The following ZFHX3 variants were observed in gnomAD, a reference collection of about 807,000 sequenced individuals.
The protein encoded by ZFHX3 is zinc finger homeobox 3, also known as zinc finger homeobox protein 3.
A neutral mutation model predicts 279.1 loss-of-function variants in ZFHX3; 42 were observed. The ratio of observed to expected loss-of-function variants is 0.15; its 90% confidence interval spans 0.12 to 0.19. The LOEUF (loss-of-function observed/expected upper bound fraction) is 0.19, where lower values mean the gene tolerates loss of function less well. Ranked by LOEUF, ZFHX3 falls within the 10% of genes least tolerant of loss-of-function variation. The pLI is 1.00. For missense variants in ZFHX3, 4,981 were observed against 4,754.0 expected, an observed-to-expected ratio of 1.05 and a Z score of -1.40; for synonymous variants, 2,293 against 1,957.8, an observed-to-expected ratio of 1.17 and a Z score of -4.52.
chr16:72,810,963 C>T (rs560142255), intron 7 of ZFHX3, among the ~76,000 whole-genome samples: 7 of 152,284 alleles, frequency 4.6e-5, no homozygotes, highest in African/African-American at 1.7e-4. Context: ...TCACTGCAAC[C>T]TCAAACTCCT....
intron 3 of ZFHX3, among the ~76,000 whole-genome samples, chr16:72,937,060 C>A (rs1350316855): frequency 6.6e-6 from 1 of 152,138 alleles, no homozygotes; most frequent in Non-Finnish European, 1.5e-5. Context: ...GTGGCCCTAA[C>A]CGAGATGGGG....
chr16:72,861,595 C>T (rs561072803), intron 4 of ZFHX3, among the ~76,000 whole-genome samples: 1 of 152,188 alleles, frequency 6.6e-6, no homozygotes, highest in Admixed American at 6.5e-5. Context: ...AAACCAGAGT[C>T]CAGGAATGGA....
intron 1 of ZFHX3, among the ~76,000 whole-genome samples, chr16:72,978,292 C>T (rs1962441745): frequency 6.6e-6 from 1 of 152,154 alleles, no homozygotes; most frequent in African/African-American, 2.4e-5. Context: ...TTTTTATTTC[C>T]TATTACCCTC....
At chr16:73,131,079 G>T (rs1215462073) in exon 7 of ZFHX3, 2 of 913,188 alleles carry the variant, frequency 2.2e-6, no homozygotes, top group Non-Finnish European at 3.2e-6. Flanking sequence ...ACTTCTTTGT[G>T]TCTCAGCTTC....
rs3051948 is a variant in ZFHX3, at chr16:73,537,314, C to CT, written c.-1546-81057dup. ...AATCTAAAGTCACTTCTTTCTTCTT[C>CT]TTTTTTTTTTTTTTTTTTTTTTTTT... On this transcript the variant is annotated intron_variant, in intron 2 of 17. Coordinates refer to the ZFHX3 transcript ENST00000641206. 3.4e-3 allele frequency among the ~76,000 whole-genome samples: 263 copies of CT among 77,612 alleles called. 9 individuals are homozygous for CT. Among genetic ancestry groups the CT allele is most frequent in the African/African-American group, 6.8e-3 (160 of 23,588 alleles). The allele number at this position is 77,612 out of a possible 152,430, so 50.9% of individuals were successfully genotyped here.
intron 4 of ZFHX3, among the ~76,000 whole-genome samples, chr16:72,873,774 TG>T (rs1348874719): frequency 6.6e-6 from 1 of 152,234 alleles, no homozygotes; most frequent in Non-Finnish European, 1.5e-5. Context: ...GACAATTATA[TG>T]TGTTTTTGGG....
intron 2 of ZFHX3, among the ~76,000 whole-genome samples, chr16:73,629,237 C>T (rs1471603258): frequency 6.6e-6 from 1 of 152,192 alleles, no homozygotes; most frequent in East Asian, 1.9e-4. Context: ...CACTCGCTTC[C>T]AACCCTGCCC....
chr16:73,874,758 C>T (rs981552850), intron 1 of ZFHX3, among the ~76,000 whole-genome samples: 1 of 152,150 alleles, frequency 6.6e-6, no homozygotes, highest in African/African-American at 2.4e-5. Context: ...TATTCACATA[C>T]AAAAATTCAC....
chr16:73,423,071 C>T (rs2017747004), intron 3 of ZFHX3, among the ~76,000 whole-genome samples: 1 of 152,122 alleles, frequency 6.6e-6, no homozygotes, highest in African/African-American at 2.4e-5. Flanking sequence ...TGGATCAGGC[C>T]TTACCATTCT....
chr16:72,974,060 GAAGT>G (rs1273663301), intron 1 of ZFHX3, among the ~76,000 whole-genome samples: 1 of 152,226 alleles, frequency 6.6e-6, no homozygotes, highest in Admixed American at 6.5e-5. Flanking sequence ...AATTGGAACA[GAAGT>G]AAGTGCTATC....
chr16:73,682,309 G>A (rs1317688567), intron 1 of ZFHX3, among the ~76,000 whole-genome samples: 1 of 151,908 alleles, frequency 6.6e-6, no homozygotes, highest in Non-Finnish European at 1.5e-5. Flanking sequence ...TATATATTTT[G>A]ACAATAAAAT....
intron 2 of ZFHX3, among the ~76,000 whole-genome samples, chr16:73,510,284 T>A (rs2019406613): frequency 6.6e-6 from 1 of 152,116 alleles, no homozygotes; most frequent in Non-Finnish European, 1.5e-5. Context: ...CTCACTAGAA[T>A]TTTACATTTC....
At chr16:73,349,674 TTCCCTCTCTCCCTCTCCCTTCCTTCCC>T (rs2016193978) in intron 3 of ZFHX3, among the ~76,000 whole-genome samples, 4 of 33,762 alleles carry the variant, frequency 1.2e-4, no homozygotes, top group East Asian at 1.5e-3. Flanking sequence ...CTCTCCCTCC[TTCCCTCTCTCCCTCTCCCTTCCTTCCC>T]TCCCTCCCTC....
chr16:73,761,574 C>A (rs76198606), intron 1 of ZFHX3, among the ~76,000 whole-genome samples: 2,379 of 152,256 alleles, frequency 0.016, 66 homozygotes, highest in African/African-American at 0.052. Context: ...TGCTACCTGA[C>A]TTCAAACTAT....
intron 1 of ZFHX3, among the ~76,000 whole-genome samples, chr16:73,004,638 A>C (rs2144606475): frequency 6.6e-6 from 1 of 152,174 alleles, no homozygotes; most frequent in African/African-American, 2.4e-5. Flanking sequence ...AGAGCTCTTT[A>C]TATATTAAGG....
At chr16:73,011,420 C>A (rs1367479169) in intron 1 of ZFHX3, among the ~76,000 whole-genome samples, 1 of 151,944 alleles carries the variant, frequency 6.6e-6, no homozygotes, top group African/African-American at 2.4e-5. Flanking sequence ...GCGTGAGCCA[C>A]CACACCCAGC....
At chr16:73,499,708 T>C (rs373086536) in intron 2 of ZFHX3, 2 of 152,178 alleles carry the variant, frequency 1.3e-5, no homozygotes, top group East Asian at 1.9e-4. Context: ...AGGAAAAATA[T>C]CCAACTGTCA....
intron 3 of ZFHX3, among the ~76,000 whole-genome samples, chr16:73,422,569 C>G (rs988698491): frequency 6.6e-6 from 1 of 152,196 alleles, no homozygotes; most frequent in Non-Finnish European, 1.5e-5. Flanking sequence ...CTTTCCCTTC[C>G]AACTTCCCAG....
At chr16:73,831,285 G>C (rs1960989557) in intron 1 of ZFHX3, among the ~76,000 whole-genome samples, 1 of 152,146 alleles carries the variant, frequency 6.6e-6, no homozygotes, top group South Asian at 2.1e-4. Flanking sequence ...TCAGAGTCTG[G>C]TACTAACGTC....
Sources: allele counts gnomAD v4.1 joint callset (sites outside exome capture counted in the v4.1 genomes callset), GRCh38; gene constraint gnomAD v4.1.1; transcripts MANE v1.5; gene names NCBI Gene and HGNC (gene_info 2026-07-23, HGNC 2026-07-21).